SLCO4C1: variants seen among roughly 807,000 people sequenced by gnomAD.
SLCO4C1 encodes solute carrier organic anion transporter family member 4C1.
Under a neutral mutation model 72.1 loss-of-function variants are expected in SLCO4C1, and 58 were observed. That is an observed-to-expected ratio of 0.80 (90% confidence interval 0.65 to 1.00). The LOEUF (loss-of-function observed/expected upper bound fraction) is 1.00, where lower values mean the gene tolerates loss of function less well. Among genes scored for constraint, SLCO4C1 ranks in the 50% least tolerant of loss-of-function variants. The pLI is 0.00. For synonymous variants in SLCO4C1, 297 were observed against 312.5 expected, an observed-to-expected ratio of 0.95 and a Z score of 0.52; for missense variants, 898 against 857.9, an observed-to-expected ratio of 1.05 and a Z score of -0.58.
intron 2 of SLCO4C1, among the ~76,000 whole-genome samples, chr5:102,278,800 A>G (rs1475661363): frequency 6.6e-6 from 1 of 152,080 alleles, no homozygotes; most frequent in East Asian, 1.9e-4. Flanking sequence ...AATTAAGTAA[A>G]AATGAAAACA....
rs1749548862 is a variant in SLCO4C1, at chr5:102,291,435, G to C, written c.527C>G (p.Ala176Gly). ...GERGHKPRWL[A>G]FAAFMIGLGA... ...CAGTCCAATCATAAAGGCTGCAAAT[G>C]CAAGCCATCTCGGCTTATGTCCTCT... The change falls in exon 2 of 13, where the codon GCA (alanine) becomes GGA (glycine). Residue 176 changes from alanine (A) to glycine (G), a missense_variant. Transcript: ENST00000310954. The C allele has an allele frequency of 6.2e-7, 1 of 1,613,908 alleles. No individual in the cohort carries two copies. Among genetic ancestry groups the C allele is most frequent in the Non-Finnish European group, 8.5e-7 (1 of 1,179,950 alleles).
chr5:102,284,670 A>AT (rs765248783), intron 2 of SLCO4C1, among the ~76,000 whole-genome samples: 14 of 151,662 alleles, frequency 9.2e-5, no homozygotes, highest in Non-Finnish European at 1.8e-4. Context: ...CATTGAACAC[A>AT]TTTTTAACAT....
intron 11 of SLCO4C1, 45 bp downstream of exon 11, chr5:102,240,673 C>T: frequency 6.6e-7 from 1 of 1,521,666 alleles, no homozygotes; most frequent in Non-Finnish European, 9.0e-7. Flanking sequence ...CACTAATGAA[C>T]CAAAATAGCC....
Position 102,247,571 on chromosome 5 carries a change from G to A in SLCO4C1, c.1621-129C>T, listed in dbSNP as rs530331937. 2.1e-5 allele frequency: 11 copies of A among 521,560 alleles called. No homozygotes were observed. The South Asian group carries it at 2.5e-4, about 12-fold the overall frequency. The allele number at this position is 521,560 out of a possible 1,614,324, so 32.3% of individuals were successfully genotyped here. On this transcript the variant is annotated intron_variant, in intron 9 of 12. Transcript: ENST00000310954. ...ATCCATATTCAACAAATTATGCTGA[G>A]AGAATATTTAACCCTTAAGAAATTA...
In SLCO4C1 at chr5:102,237,115, G is replaced by A. The variant is rs376155691; in HGVS notation, c.2015-97C>T. ...TTCATGAATAGAACATTTTTAAAGAGAATAATTACATAACCATTATAGTTC... is the reference window on the plus strand; with the variant it reads ...TTCATGAATAGAACATTTTTAAAGAAAATAATTACATAACCATTATAGTTC... On this transcript the variant is annotated intron_variant, in intron 12 of 12. Coordinates refer to ENST00000310954, the MANE Select transcript of SLCO4C1 (RefSeq NM_180991.5). The A allele has an allele frequency of 1.9e-4, 223 of 1,201,568 alleles. 4 individuals carry two copies. In the South Asian group the frequency reaches 3.6e-3, roughly 19 times the overall value. The allele number at this position is 1,201,568 out of a possible 1,614,324, so 74.4% of individuals were successfully genotyped here. A position where few individuals can be genotyped will look rare whatever the true frequency, so the allele number is the denominator to read the frequency against.
chr5:102,251,089 G>A (rs1343586419), intron 8 of SLCO4C1, among the ~76,000 whole-genome samples: 1 of 152,146 alleles, frequency 6.6e-6, no homozygotes, highest in African/African-American at 2.4e-5. Context: ...GCATAGGGTA[G>A]AGAAACAGCA....
intron 10 of SLCO4C1, 72 bp downstream of exon 10, chr5:102,247,180 G>A: frequency 1.7e-6 from 2 of 1,206,810 alleles, no homozygotes; most frequent in Non-Finnish European, 2.3e-6. Context: ...AACCCCAAAT[G>A]AACCCCGAGT....
intron 4 of SLCO4C1, among the ~76,000 whole-genome samples, chr5:102,263,256 G>T (rs1271217021): frequency 6.6e-6 from 1 of 151,984 alleles, no homozygotes; most frequent in Non-Finnish European, 1.5e-5. Context: ...TGTTAAAATG[G>T]CATAATTGTG....
intron 8 of SLCO4C1, among the ~76,000 whole-genome samples, chr5:102,251,751 A>G (rs949036447): frequency 2.0e-5 from 3 of 152,184 alleles, no homozygotes; most frequent in African/African-American, 7.2e-5. Flanking sequence ...TTTCTTAATA[A>G]CCATTTGGAC....
At chr5:102,280,950 T>C (rs1042945843) in intron 2 of SLCO4C1, among the ~76,000 whole-genome samples, 2 of 152,128 alleles carry the variant, frequency 1.3e-5, no homozygotes, top group Middle Eastern at 3.2e-3. Flanking sequence ...TACGATATTT[T>C]GTAGATATAG....
At position 102,236,503 on chromosome 5, in the gene SLCO4C1, T is replaced by A. The variant is rs1561362593; in HGVS notation, c.*355A>T. The A allele has an allele frequency of 6.3e-6, 1 of 157,604 alleles. No homozygotes were observed. Among genetic ancestry groups the A allele is most frequent in the East Asian group, 1.8e-4 (1 of 5,488 alleles). 9.8% of individuals were successfully genotyped at this position (157,604 alleles called of 1,614,324 possible). A position where few individuals can be genotyped will look rare whatever the true frequency, so the allele number is the denominator to read the frequency against. ...TTTTTTTAAATGTAAATTTTTCTAA[T>A]TGTGGGCCTTTTTTCTTGTTATTGC... is the stretch of plus-strand genomic sequence containing the variant. On this transcript the variant is annotated 3_prime_UTR_variant, in exon 13 of 13. Coordinates refer to ENST00000310954, the MANE Select transcript of SLCO4C1 (RefSeq NM_180991.5).
chr5:102,248,336 T>TA (rs1488622051), intron 9 of SLCO4C1, among the ~76,000 whole-genome samples: 5 of 152,072 alleles, frequency 3.3e-5, no homozygotes, highest in Non-Finnish European at 7.4e-5. Context: ...TGATTGGACA[T>TA]AAAAAAGTCA....
chr5:102,263,927 T>C lies in SLCO4C1; in HGVS notation c.803-147A>G, dbSNP rs146733749. ...CATATTTTCACTAAAACAATACCATTTGAATTGATAGTCAAGTCAAAAATC... is the reference window on the plus strand; with the variant it reads ...CATATTTTCACTAAAACAATACCATCTGAATTGATAGTCAAGTCAAAAATC... On this transcript the variant is annotated intron_variant, in intron 3 of 12. Transcript: ENST00000310954. 1.6e-5 allele frequency: 10 copies of C among 606,730 alleles called. No individual in the cohort carries two copies. The East Asian group carries it at 2.4e-4, about 15-fold the overall frequency. The allele number at this position is 606,730 out of a possible 1,614,324, so 37.6% of individuals were successfully genotyped here.
At chr5:102,263,391 T>G (rs1300659413) in intron 4 of SLCO4C1, among the ~76,000 whole-genome samples, 1 of 152,138 alleles carries the variant, frequency 6.6e-6, no homozygotes, top group Admixed American at 6.5e-5. Context: ...TGAATTCTTA[T>G]TTTTGAACAA....
At chr5:102,295,809 G>C in intron 1 of SLCO4C1, 99 bp downstream of exon 1, 1 of 1,247,984 alleles carries the variant, frequency 8.0e-7, no homozygotes, top group Non-Finnish European at 1.1e-6. Context: ...CGCGTCCACC[G>C]TCCCACGGAC....
chr5:102,277,403 C>G (rs2112385147), intron 2 of SLCO4C1, among the ~76,000 whole-genome samples: 1 of 152,104 alleles, frequency 6.6e-6, no homozygotes, highest in South Asian at 2.1e-4. Flanking sequence ...GTTTCCAGCT[C>G]TATGTAGCAA....
At chr5:102,257,618 C>CTT (rs34481556) in intron 7 of SLCO4C1, among the ~76,000 whole-genome samples, 4 of 143,150 alleles carry the variant, frequency 2.8e-5, no homozygotes, top group Admixed American at 6.9e-5. Context: ...GTTTAAGTGT[C>CTT]TTTTTTTTTT....
intron 10 of SLCO4C1, among the ~76,000 whole-genome samples, chr5:102,243,650 T>A (rs991902911): frequency 7.9e-5 from 12 of 152,174 alleles, no homozygotes; most frequent in Admixed American, 7.9e-4. Context: ...CAATGAAGAC[T>A]ATAATAAATA....
intron 5 of SLCO4C1, among the ~76,000 whole-genome samples, chr5:102,261,379 T>C (rs1418237480): frequency 1.3e-5 from 2 of 151,708 alleles, no homozygotes; most frequent in Non-Finnish European, 2.9e-5. Context: ...GCCACTGCAC[T>C]CCAGTCTGGG....
Sources: allele counts gnomAD v4.1 joint callset (sites outside exome capture counted in the v4.1 genomes callset), GRCh38; gene constraint gnomAD v4.1.1; transcripts MANE v1.5; gene names NCBI Gene and HGNC (gene_info 2026-07-23, HGNC 2026-07-21).